Variants in EPG5 observed in about 807,000 individuals in gnomAD.
EPG5 encodes ectopic P granules protein 5 homolog.
In EPG5, 159 loss-of-function variants were observed where a neutral mutation model predicts 302.7. That is an observed-to-expected ratio of 0.53 (90% CI 0.46 to 0.60). The LOEUF (loss-of-function observed/expected upper bound fraction) is 0.60. Ranked by LOEUF, EPG5 falls within the 20% of genes least tolerant of loss-of-function variation. The pLI is 0.00. For synonymous variants in EPG5, 1,158 were observed against 1,136.8 expected (o/e 1.02, Z -0.37); for missense variants, 2,896 against 3,092.4 (o/e 0.94, Z 1.51).
In EPG5 at chr18:45,891,093, A is replaced by G. The variant is rs951453492; in HGVS notation, c.4810-1153T>C. On this transcript the variant is annotated intron_variant, in intron 27 of 43. Coordinates refer to ENST00000282041, the MANE Select transcript of EPG5 (RefSeq NM_020964.3). Reference sequence around the variant, plus strand: ...AAACCCAGTCTTCAGCCATCACTGCAATGATTAAAGATATCCTTTATAAAT... The same window carrying G: ...AAACCCAGTCTTCAGCCATCACTGCGATGATTAAAGATATCCTTTATAAAT... Among the ~76,000 whole-genome samples, 7 of 152,330 alleles carry G rather than the reference A, an allele frequency of 4.6e-5. No individual in the cohort carries two copies. The South Asian group carries it at 1.2e-3, about 27-fold the overall frequency.
At chr18:45,920,786 G>C (rs977304615) in intron 16 of EPG5, among the ~76,000 whole-genome samples, 3 of 152,194 alleles carry the variant, frequency 2.0e-5, no homozygotes, top group Non-Finnish European at 4.4e-5. Context: ...GGGATCAAAT[G>C]TCAACATGAG....
chr18:45,805,189 C>T, the EPG5 span, among the ~76,000 whole-genome samples: 43 of 151,946 alleles, frequency 2.8e-4, no homozygotes, highest in African/African-American at 1.0e-3. Flanking sequence ...CCTAGATTGG[C>T]TCCTGAAACA....
chr18:45,906,655 AT>A (rs557629428), intron 24 of EPG5, among the ~76,000 whole-genome samples: 5,493 of 143,142 alleles, frequency 0.038, 234 homozygotes, highest in African/African-American at 0.11. Context: ...CACTCTCGTA[AT>A]TTTTTTTTTT....
chr18:45,950,537 T>C (rs558760333), intron 4 of EPG5, among the ~76,000 whole-genome samples: 9 of 152,324 alleles, frequency 5.9e-5, no homozygotes, highest in South Asian at 2.1e-4. Context: ...TCCTCAGCCA[T>C]ATGGAACTGT....
chr18:45,912,524 A>G, intron 21 of EPG5, 68 bp from the exon 22 acceptor site: 2 of 1,434,402 alleles, frequency 1.4e-6, no homozygotes, highest in Non-Finnish European at 1.9e-6. Context: ...ACTCTTTCTA[A>G]GTGATCCAAC....
chr18:45,889,619 A>T (rs1304331753), intron 28 of EPG5, among the ~76,000 whole-genome samples, 179 bp downstream of exon 28: 1 of 152,214 alleles, frequency 6.6e-6, no homozygotes, highest in South Asian at 2.1e-4. Flanking sequence ...GTGTTGCAAT[A>T]AAACTTTATT....
chr18:45,956,453 A>ATTTG (rs2051032187), intron 1 of EPG5, among the ~76,000 whole-genome samples: 1 of 145,940 alleles, frequency 6.9e-6, no homozygotes. Context: ...AGGGTGTTTT[A>ATTTG]TTTATTTATT....
intron 16 of EPG5, among the ~76,000 whole-genome samples, 173 bp downstream of exon 16, chr18:45,922,168 A>T (rs982830757): frequency 6.6e-6 from 1 of 152,186 alleles, no homozygotes; most frequent in Non-Finnish European, 1.5e-5. Context: ...AATCTGAAGT[A>T]TGTGAATTTG....
chr18:45,957,499 G>C (rs2051057562), intron 1 of EPG5, among the ~76,000 whole-genome samples: 1 of 152,180 alleles, frequency 6.6e-6, no homozygotes, highest in African/African-American at 2.4e-5. Context: ...GTAATAAACA[G>C]GGTTCTTAGA....
chr18:45,916,422 C>G lies in EPG5; in HGVS notation c.3384+16G>C. On this transcript the variant is annotated intron_variant, in intron 18 of 43. Coordinates refer to ENST00000282041, the MANE Select transcript of EPG5 (RefSeq NM_020964.3). ...AGACAGGCGGGAGTGTGCTTAGGGG[C>G]TTGCAAGGCCCTCACCTGGATCATG... 2 of 1,603,486 alleles carry G rather than the reference C, an allele frequency of 1.2e-6. No homozygotes were observed. The highest frequency in any genetic ancestry group is 1.7e-6 in the Non-Finnish European group (2 of 1,171,772).
At chr18:45,809,619 A>C in the EPG5 span, among the ~76,000 whole-genome samples, 2 of 152,256 alleles carry the variant, frequency 1.3e-5, no homozygotes, top group African/African-American at 2.4e-5. Flanking sequence ...TTCCTGAATG[A>C]TCATTGGGTC....
chr18:45,850,230 T>A lies in EPG5; in HGVS notation c.*2237A>T, dbSNP rs1008175763. 2.0e-5 allele frequency: 3 copies of A among 152,330 alleles called. No individual in the cohort carries two copies. The highest frequency in any genetic ancestry group is 7.2e-5 in the African/African-American group (3 of 41,446). The allele number at this position is 152,330 out of a possible 1,614,324, so 9.4% of individuals were successfully genotyped here. ...CCTTGGTCTTGCTTGATTCCCGTCT[T>A]GATGTGCGGCACCCATCACTGATTC... On this transcript the variant is annotated 3_prime_UTR_variant, in exon 44 of 44. Transcript: ENST00000282041.
intron 43 of EPG5, among the ~76,000 whole-genome samples, chr18:45,852,933 T>C (rs982744471): frequency 9.8e-5 from 15 of 152,366 alleles, no homozygotes; most frequent in Admixed American, 9.8e-4. Flanking sequence ...CAAGAGCCAC[T>C]GCTGTGGCAG....
chr18:45,865,351 G>T (rs929173616), intron 39 of EPG5, among the ~76,000 whole-genome samples: 1 of 152,066 alleles, frequency 6.6e-6, no homozygotes, highest in Non-Finnish European at 1.5e-5. Context: ...TAGAAATGCC[G>T]CTCACTGAAA....
chr18:45,862,217 A>G (rs1187334170), intron 39 of EPG5, among the ~76,000 whole-genome samples: 3 of 152,138 alleles, frequency 2.0e-5, no homozygotes, highest in Non-Finnish European at 2.9e-5. Flanking sequence ...TTTCATTTAG[A>G]TTTACCCACA....
the EPG5 span, among the ~76,000 whole-genome samples, chr18:45,805,047 G>A: frequency 7.9e-5 from 12 of 152,160 alleles, no homozygotes; most frequent in South Asian, 2.1e-4. Context: ...AATGTATATC[G>A]TGATTCTTAG....
At chr18:45,883,659 G>A in intron 30 of EPG5, among the ~76,000 whole-genome samples, 1 of 98,922 alleles carries the variant, frequency 1.0e-5, no homozygotes, top group Admixed American at 1.5e-4. Context: ...CAGGGTTTCT[G>A]TGTTGGCCAG....
Position 45,868,384 on chromosome 18 carries a change from T to C in EPG5, c.6226-636A>G, listed in dbSNP as rs569728632. 6.6e-5 allele frequency among the ~76,000 whole-genome samples: 10 copies of C among 151,364 alleles called. No individual in the cohort carries two copies. In the South Asian group the frequency reaches 2.1e-3, roughly 32 times the overall value. On this transcript the variant is annotated intron_variant, in intron 36 of 43. Coordinates refer to ENST00000282041, the MANE Select transcript of EPG5 (RefSeq NM_020964.3). ...TGGAGTTTCACTCTTGTTACCCAGA[T>C]TGGAACGCAATGGCACGATCTTGGC...
At chr18:45,853,015 G>T (rs774462317) in intron 43 of EPG5, among the ~76,000 whole-genome samples, 1 of 152,180 alleles carries the variant, frequency 6.6e-6, no homozygotes, top group African/African-American at 2.4e-5. Flanking sequence ...GTTCTCCCCA[G>T]TCCCACCTGT....
Sources: gnomAD v4.1 joint callset for allele counts (sites outside exome capture counted in the v4.1 genomes callset) on GRCh38, gnomAD v4.1.1 for gene constraint, MANE v1.5 for transcripts, NCBI Gene and HGNC (gene_info 2026-07-23, HGNC 2026-07-21) for gene names.